BACH2: variants seen among roughly 807,000 people sequenced by gnomAD.
BACH2 encodes BACH transcriptional regulator 2.
Under a neutral mutation model 61.8 loss-of-function variants are expected in BACH2, and 5 were observed. The ratio of observed to expected loss-of-function variants is 0.08; its 90% CI spans 0.04 to 0.17. The LOEUF is 0.17. Ranked by LOEUF, BACH2 falls within the 10% of genes least tolerant of loss-of-function variation. The pLI is 1.00. For missense variants in BACH2, 824 were observed against 1,091.1 expected (o/e 0.76, Z 3.45); for synonymous variants, 446 against 440.1 (o/e 1.01, Z -0.17).
rs3072672 is a variant in BACH2, at chr6:90,211,126, C to CAAAAAA, written c.-274-4451_-274-4446dup. The stretch of plus-strand genomic sequence containing the variant: ...TGGGTGACAGAGGGAGACTCCATCT[C>CAAAAAA]AAAAAAAAAAAAAAAAAAAAAAAGG... On this transcript the variant is annotated intron_variant, in intron 3 of 8. Transcript: ENST00000257749. Among the ~76,000 whole-genome samples, 34 of 45,274 alleles carry CAAAAAA rather than the reference C, an allele frequency of 7.5e-4. 1 individual carries two copies. Among genetic ancestry groups the CAAAAAA allele is most frequent in the Admixed American group, 1.2e-3 (4 of 3,318 alleles). The allele number at this position is 45,274 out of a possible 152,430, so 29.7% of individuals were successfully genotyped here. A position where few individuals can be genotyped will look rare whatever the true frequency, so the allele number is the denominator to read the frequency against.
chr6:90,010,707 C>A (rs191430380), intron 5 of BACH2, among the ~76,000 whole-genome samples: 1 of 152,320 alleles, frequency 6.6e-6, no homozygotes, highest in African/African-American at 2.4e-5. Context: ...ACATTTCCAC[C>A]AGCAGTGTAT....
chr6:90,039,259 C>G (rs556015775), intron 5 of BACH2, among the ~76,000 whole-genome samples: 2 of 152,256 alleles, frequency 1.3e-5, no homozygotes, highest in Admixed American at 6.5e-5. Context: ...TAATTTTGTA[C>G]ACATATCCAT....
At chr6:90,016,510 C>T (rs994828787) in intron 5 of BACH2, among the ~76,000 whole-genome samples, 5 of 152,174 alleles carry the variant, frequency 3.3e-5, no homozygotes, top group Non-Finnish European at 7.4e-5. Context: ...TAAGTTATCA[C>T]AATCTACCTT....
At chr6:90,266,990 A>ATTT (rs1292021600) in intron 2 of BACH2, among the ~76,000 whole-genome samples, 1 of 152,160 alleles carries the variant, frequency 6.6e-6, no homozygotes, top group Non-Finnish European at 1.5e-5. Context: ...ATGCCAAGCT[A>ATTT]TAAAGATGCC....
intron 5 of BACH2, among the ~76,000 whole-genome samples, chr6:90,010,190 A>AAG (rs960314715): frequency 1.3e-5 from 2 of 152,218 alleles, no homozygotes; most frequent in African/African-American, 4.8e-5. Context: ...CATCACAATA[A>AAG]AGATAGTAAA....
chr6:90,170,602 C>A (rs1479697346), intron 4 of BACH2, among the ~76,000 whole-genome samples: 1 of 152,120 alleles, frequency 6.6e-6, no homozygotes, highest in Non-Finnish European at 1.5e-5. Flanking sequence ...AATATTTATA[C>A]AAACCAAATA....
intron 3 of BACH2, among the ~76,000 whole-genome samples, chr6:90,231,423 C>G (rs1770092304): frequency 1.3e-5 from 2 of 152,234 alleles, no homozygotes; most frequent in South Asian, 2.1e-4. Context: ...AGCAACATGA[C>G]CAAACTGCAA....
chr6:90,209,904 C>T (rs1769284683), intron 3 of BACH2, among the ~76,000 whole-genome samples: 1 of 152,094 alleles, frequency 6.6e-6, no homozygotes. Context: ...TTTTTCTTTG[C>T]TGTCACTCAC....
chr6:89,962,497 G>C (rs1774802378), intron 6 of BACH2, among the ~76,000 whole-genome samples: 1 of 152,138 alleles, frequency 6.6e-6, no homozygotes, highest in Admixed American at 6.5e-5. Flanking sequence ...TTTTGGGCTT[G>C]AGTTTTCTTG....
chr6:90,085,568 C>T (rs1781899949), intron 5 of BACH2, among the ~76,000 whole-genome samples: 1 of 152,174 alleles, frequency 6.6e-6, no homozygotes, highest in African/African-American at 2.4e-5. Flanking sequence ...AAGGCAAATT[C>T]CCTTGATGGC....
intron 8 of BACH2, among the ~76,000 whole-genome samples, chr6:89,935,106 T>A (rs529263191): frequency 4.0e-5 from 6 of 151,504 alleles, no homozygotes; most frequent in Admixed American, 2.6e-4. Context: ...GGAGACGGCG[T>A]GGGAGTGGGG....
chr6:90,278,179 G>C (rs1363832411), intron 1 of BACH2, among the ~76,000 whole-genome samples: 1 of 152,236 alleles, frequency 6.6e-6, no homozygotes, highest in Non-Finnish European at 1.5e-5. Context: ...AAGTGGACTA[G>C]AGAATGATTC....
intron 1 of BACH2, among the ~76,000 whole-genome samples, chr6:90,296,225 A>G (rs945341994): frequency 3.3e-5 from 5 of 152,058 alleles, no homozygotes; most frequent in East Asian, 1.9e-4. Flanking sequence ...CGGCCGCCGT[A>G]AACAGCCGGG....
In BACH2 at chr6:89,951,121, G is replaced by A; in HGVS notation, c.985C>T (p.Leu329=). 1.2e-6 allele frequency: 2 copies of A among 1,611,756 alleles called. No individual in the cohort carries two copies. Among genetic ancestry groups the A allele is most frequent in the Non-Finnish European group, 1.7e-6 (2 of 1,179,176 alleles). Residue 329 remains leucine, a synonymous_variant, in exon 7 of 9, where the codon CTG becomes TTG. Coordinates refer to ENST00000257749, the MANE Select transcript of BACH2 (RefSeq NM_021813.4). This position sits in a 1 kb window ranked among gnomAD's most constrained non-coding sequence, Gnocchi z 6.4. ...GAGGCCACGCTCCTGGATCTCTCCA[G>A]GCAGGCGGCCCCAGCTGGGGCCGTG... ...TPTAPAGAAC[L]ERSRSVASPS...
At chr6:90,033,592 G>C (rs1218196344) in intron 5 of BACH2, among the ~76,000 whole-genome samples, 1 of 152,064 alleles carries the variant, frequency 6.6e-6, no homozygotes, top group East Asian at 1.9e-4. Context: ...TCTGTGGATG[G>C]TTTTCTGAGC....
At chr6:90,142,771 A>C (rs1784503515) in intron 4 of BACH2, among the ~76,000 whole-genome samples, 1 of 152,194 alleles carries the variant, frequency 6.6e-6, no homozygotes, top group South Asian at 2.1e-4. Flanking sequence ...TAAAAGATTT[A>C]AATTTTCTTC....
chr6:90,295,994 G>A (rs2127897195), intron 1 of BACH2, among the ~76,000 whole-genome samples: 1 of 152,210 alleles, frequency 6.6e-6, no homozygotes, highest in Non-Finnish European at 1.5e-5. Flanking sequence ...GAGGGTTAAG[G>A]AGGAGGCCGC....
At chr6:89,957,556 C>T (rs1170434009) in intron 6 of BACH2, among the ~76,000 whole-genome samples, 1 of 152,036 alleles carries the variant, frequency 6.6e-6, no homozygotes, top group Non-Finnish European at 1.5e-5. Context: ...TATTTATTTA[C>T]TGACAGGGTC....
chr6:90,019,400 G>C (rs1778257469), intron 5 of BACH2, among the ~76,000 whole-genome samples: 1 of 152,182 alleles, frequency 6.6e-6, no homozygotes, highest in Non-Finnish European at 1.5e-5. Flanking sequence ...AGTGGACCAG[G>C]CATGTTTGGG....
Sources: allele counts gnomAD v4.1 joint callset (sites outside exome capture counted in the v4.1 genomes callset), GRCh38; gene constraint gnomAD v4.1.1; non-coding constraint Gnocchi (gnomAD v3.1); transcripts MANE v1.5; gene names NCBI Gene and HGNC (gene_info 2026-07-23, HGNC 2026-07-21).